The following TAFA1 variants were observed in gnomAD, a reference collection of about 807,000 sequenced individuals.
The protein encoded by TAFA1 is TAFA chemokine like family member 1.
TAFA1 carries 4 observed loss-of-function variants against 18.5 expected under a neutral mutation model. The ratio of observed to expected loss-of-function variants is 0.22; its 90% CI spans 0.11 to 0.49. TAFA1 has a LOEUF of 0.49. Among genes scored for constraint, TAFA1 ranks in the 20% least tolerant of loss-of-function variants. The pLI, the probability that TAFA1 is intolerant of heterozygous loss-of-function variation, is 0.98. For synonymous variants in TAFA1, 56 were observed against 55.2 expected (o/e 1.01, Z -0.06); for missense variants, 147 against 169.0 (o/e 0.87, Z 0.72).
At chr3:68,374,249 C>T (rs1468398947) in intron 2 of TAFA1, among the ~76,000 whole-genome samples, 1 of 152,154 alleles carries the variant, frequency 6.6e-6, no homozygotes, top group Admixed American at 6.6e-5. Flanking sequence ...CAGTTTCCCA[C>T]TCCTGGCCAA....
intron 2 of TAFA1, among the ~76,000 whole-genome samples, chr3:68,193,915 C>A (rs2066378975): frequency 6.6e-6 from 1 of 151,692 alleles, no homozygotes; most frequent in African/African-American, 2.4e-5. Context: ...GTCTTGCTGA[C>A]CTTGGCTGAA....
chr3:68,199,303 G>A (rs987720944), intron 2 of TAFA1, among the ~76,000 whole-genome samples: 1 of 151,378 alleles, frequency 6.6e-6, no homozygotes, highest in Admixed American at 6.6e-5. Flanking sequence ...TCAGTCTTTC[G>A]ACTTTATTTT....
At chr3:68,152,320 T>A (rs1424470232) in intron 2 of TAFA1, among the ~76,000 whole-genome samples, 3 of 152,140 alleles carry the variant, frequency 2.0e-5, no homozygotes, top group Non-Finnish European at 4.4e-5. Context: ...ATCTGCATTT[T>A]TTTTTGCAGT....
At chr3:68,323,544 T>C (rs1323939363) in intron 2 of TAFA1, among the ~76,000 whole-genome samples, 1 of 152,216 alleles carries the variant, frequency 6.6e-6, no homozygotes, top group Non-Finnish European at 1.5e-5. Flanking sequence ...TGTCCTCGTA[T>C]GTGTAACTCT....
At chr3:68,193,115 A>C (rs1271326150) in intron 2 of TAFA1, among the ~76,000 whole-genome samples, 1 of 151,768 alleles carries the variant, frequency 6.6e-6, no homozygotes, top group Non-Finnish European at 1.5e-5. Context: ...AATTAGTCAC[A>C]GTACCTGCCT....
At chr3:68,362,394 A>G (rs1295358377) in intron 2 of TAFA1, among the ~76,000 whole-genome samples, 3 of 152,166 alleles carry the variant, frequency 2.0e-5, no homozygotes, top group Non-Finnish European at 1.5e-5. Flanking sequence ...GAATGATAAC[A>G]TTCTCACGGA....
intron 3 of TAFA1, among the ~76,000 whole-genome samples, chr3:68,500,121 A>G (rs1400355121): frequency 6.6e-6 from 1 of 151,418 alleles, no homozygotes; most frequent in Non-Finnish European, 1.5e-5. Context: ...CCAAGCTCAC[A>G]TTTTTTCTGG....
At chr3:68,353,175 T>A (rs1382547806) in intron 2 of TAFA1, among the ~76,000 whole-genome samples, 2 of 152,046 alleles carry the variant, frequency 1.3e-5, no homozygotes, top group East Asian at 3.9e-4. Context: ...CAACTCTGAT[T>A]TTTCATTCAG....
intron 3 of TAFA1, among the ~76,000 whole-genome samples, chr3:68,442,824 C>G (rs1181033595): frequency 6.6e-6 from 1 of 152,170 alleles, no homozygotes; most frequent in Non-Finnish European, 1.5e-5. Context: ...GCAATCTTTA[C>G]TATAAACTGT....
chr3:68,379,013 G>C (rs748472530), intron 2 of TAFA1, among the ~76,000 whole-genome samples: 11 of 152,214 alleles, frequency 7.2e-5, no homozygotes, highest in Admixed American at 2.0e-4. Flanking sequence ...TGTGAAAACA[G>C]AATAATACAC....
chr3:68,015,098 T>G (rs1704543111), intron 2 of TAFA1, among the ~76,000 whole-genome samples: 1 of 152,142 alleles, frequency 6.6e-6, no homozygotes, highest in Non-Finnish European at 1.5e-5. Context: ...TTTGACCTAC[T>G]TTAAAAATAT....
Position 68,426,812 on chromosome 3 carries a change from C to T in TAFA1, c.259+9392C>T, listed in dbSNP as rs968734152. On this transcript the variant is annotated intron_variant, in intron 3 of 4. Coordinates refer to ENST00000478136, the MANE Select transcript of TAFA1 (RefSeq NM_213609.4). ...ATAATTGCAATGACTTTAGCAACATCTCTTGAATGTTTAATTCTCTGCATT... is the reference window on the plus strand; with the variant it reads ...ATAATTGCAATGACTTTAGCAACATTTCTTGAATGTTTAATTCTCTGCATT... 2.0e-5 allele frequency among the ~76,000 whole-genome samples: 3 copies of T among 151,780 alleles called. 1 individual carries two copies. The highest frequency in any genetic ancestry group is 4.4e-5 in the Non-Finnish European group (3 of 67,856).
At chr3:68,235,737 C>T (rs1422984110) in intron 2 of TAFA1, among the ~76,000 whole-genome samples, 1 of 152,082 alleles carries the variant, frequency 6.6e-6, no homozygotes, top group Non-Finnish European at 1.5e-5. Context: ...AACCTTGGTA[C>T]ATATATTGGT....
chr3:68,506,519 C>T (rs1327656189), intron 3 of TAFA1, among the ~76,000 whole-genome samples: 1 of 151,752 alleles, frequency 6.6e-6, no homozygotes, highest in Non-Finnish European at 1.5e-5. Flanking sequence ...GTTTACAATC[C>T]AGGTTTGTTA....
the TAFA1 span, among the ~76,000 whole-genome samples, chr3:67,998,128 A>G: frequency 6.6e-6 from 1 of 152,222 alleles, no homozygotes; most frequent in Non-Finnish European, 1.5e-5. Flanking sequence ...CATGTTTGGA[A>G]AAGTGTTAGA....
At chr3:68,482,604 C>A (rs780848942) in intron 3 of TAFA1, among the ~76,000 whole-genome samples, 13 of 152,170 alleles carry the variant, frequency 8.5e-5, no homozygotes, top group Non-Finnish European at 1.8e-4. Flanking sequence ...GCTTTCATTT[C>A]CTACTTCTCC....
At chr3:68,051,237 A>G (rs561803145) in intron 2 of TAFA1, among the ~76,000 whole-genome samples, 1 of 152,264 alleles carries the variant, frequency 6.6e-6, no homozygotes, top group African/African-American at 2.4e-5. Flanking sequence ...TTTCTATTAT[A>G]TTCATTTCAA....
intron 2 of TAFA1, among the ~76,000 whole-genome samples, chr3:68,413,316 T>C (rs994609456): frequency 6.6e-6 from 1 of 152,164 alleles, no homozygotes; most frequent in African/African-American, 2.4e-5. Context: ...TTTTCTCCCA[T>C]TCTGTAGGTT....
intron 2 of TAFA1, among the ~76,000 whole-genome samples, chr3:68,074,458 T>C (rs2064799328): frequency 6.6e-6 from 1 of 152,188 alleles, no homozygotes; most frequent in Non-Finnish European, 1.5e-5. Flanking sequence ...AACTATTTCC[T>C]GCTCTATGAC....
Sources: gnomAD v4.1 joint callset for allele counts (sites outside exome capture counted in the v4.1 genomes callset) on GRCh38, gnomAD v4.1.1 for gene constraint, MANE v1.5 for transcripts, NCBI Gene and HGNC (gene_info 2026-07-23, HGNC 2026-07-21) for gene names.